The following RALGPS1 variants were observed in gnomAD, a reference collection of about 807,000 sequenced individuals.
RALGPS1 encodes ras-specific guanine nucleotide-releasing factor RalGPS1.
In RALGPS1, 19 loss-of-function variants were observed where a neutral mutation model predicts 78.8. The ratio of observed to expected loss-of-function variants is 0.24; its 90% CI spans 0.17 to 0.35. The LOEUF is 0.35. Among genes scored for constraint, RALGPS1 ranks in the 10% least tolerant of loss-of-function variants. The pLI, the probability that RALGPS1 is intolerant of heterozygous loss-of-function variation, is 1.00. For synonymous variants in RALGPS1, 228 were observed against 256.3 expected, an observed-to-expected ratio of 0.89 and a Z score of 1.06; for missense variants, 454 against 688.3, an observed-to-expected ratio of 0.66 and a Z score of 3.81.
intron 8 of RALGPS1, among the ~76,000 whole-genome samples, chr9:127,120,153 A>G (rs1403174442): frequency 2.0e-5 from 3 of 152,168 alleles, no homozygotes; most frequent in African/African-American, 7.2e-5. Context: ...CTCCGGGGCA[A>G]ACCTGACTAT....
chr9:126,953,574 GTTTAA>G (rs2038066829), intron 1 of RALGPS1, among the ~76,000 whole-genome samples: 2 of 152,304 alleles, frequency 1.3e-5, no homozygotes, highest in South Asian at 2.1e-4. Context: ...AGCCCCTACA[GTTTAA>G]TTTATCTCTC....
intron 5 of RALGPS1, 78 bp downstream of exon 5, chr9:127,034,592 A>T: frequency 7.7e-7 from 1 of 1,294,408 alleles, no homozygotes; most frequent in African/African-American, 1.5e-5. Context: ...CCCCCACCCA[A>T]AGCTGTCTCC....
chr9:126,918,558 A>G (rs550237049), intron 1 of RALGPS1, among the ~76,000 whole-genome samples: 1 of 152,100 alleles, frequency 6.6e-6, no homozygotes, highest in South Asian at 2.1e-4. Flanking sequence ...CCTGGGCTCA[A>G]GTGATCCCCG....
chr9:126,945,207 C>G (rs1227837200), intron 1 of RALGPS1, among the ~76,000 whole-genome samples: 1 of 151,264 alleles, frequency 6.6e-6, no homozygotes, highest in East Asian at 1.9e-4. Flanking sequence ...CTTTCTCTTG[C>G]TTTTTTTTTG....
At chr9:126,966,520 CAAAAAAAAAAAA>C (rs756980868) in intron 3 of RALGPS1, among the ~76,000 whole-genome samples, 1 of 53,414 alleles carries the variant, frequency 1.9e-5, no homozygotes. Flanking sequence ...AACCCTGTCT[CAAAAAAAAAAAA>C]AAAAAAAAAA....
chr9:127,091,857 G>T lies in RALGPS1; in HGVS notation c.610+22501G>T, dbSNP rs1206775436. ...CGGACCAGTCCTCCATGGTCACCAGGAGTTTGTAGTTGCCTTGGTTCGTCA... is the reference window on the plus strand; with the variant it reads ...CGGACCAGTCCTCCATGGTCACCAGTAGTTTGTAGTTGCCTTGGTTCGTCA... On this transcript the variant is annotated intron_variant, in intron 8 of 18. Transcript: ENST00000259351. The surrounding 1 kb of genome is among the most constrained non-coding windows in gnomAD (Gnocchi z 4.3). The T allele has an allele frequency of 1.2e-6, 2 of 1,614,182 alleles. No individual in the cohort carries two copies. The highest frequency in any genetic ancestry group is 3.3e-5 in the Admixed American group (2 of 60,036).
intron 4 of RALGPS1, among the ~76,000 whole-genome samples, chr9:126,989,348 G>A (rs961744556): frequency 1.3e-5 from 2 of 152,176 alleles, no homozygotes; most frequent in African/African-American, 2.4e-5. Flanking sequence ...ATGACAACAG[G>A]AGAATGGGAG....
intron 2 of RALGPS1, among the ~76,000 whole-genome samples, chr9:126,964,192 T>C (rs960560670): frequency 6.6e-6 from 1 of 151,936 alleles, no homozygotes; most frequent in Non-Finnish European, 1.5e-5. Flanking sequence ...ACCCTGCCCC[T>C]ACTGAAATTA....
rs374470173 is a variant in RALGPS1, at chr9:127,123,075, C to T, written c.611-42994C>T. Among the ~76,000 whole-genome samples the T allele has an allele frequency of 1.8e-4, 27 of 152,344 alleles. No individual in the cohort carries two copies. In the East Asian group the frequency reaches 3.7e-3, roughly 21 times the overall value. On this transcript the variant is annotated intron_variant, in intron 8 of 18. Coordinates refer to ENST00000259351, the MANE Select transcript of RALGPS1 (RefSeq NM_014636.3). ...CAGCGGGTCCTCCCCCTGGATGCCTCGTTGGGCACTGCCCCACTGAGCCCC... is the reference window on the plus strand; with the variant it reads ...CAGCGGGTCCTCCCCCTGGATGCCTTGTTGGGCACTGCCCCACTGAGCCCC...
Position 127,219,127 on chromosome 9 carries a change from T to C in RALGPS1, c.*358T>C. Reference sequence around the variant, plus strand: ...AGAGTGGACAGCGCTAACTAACCTGTGAGAGGGGCCCGAGAGAAGGAACAG... The same window carrying C: ...AGAGTGGACAGCGCTAACTAACCTGCGAGAGGGGCCCGAGAGAAGGAACAG... On this transcript the variant is annotated 3_prime_UTR_variant, in exon 19 of 19. Transcript: ENST00000259351. This position sits in a 1 kb window ranked among gnomAD's most constrained non-coding sequence, Gnocchi z 5.0. The C allele has an allele frequency of 3.3e-6, 1 of 302,652 alleles. No homozygotes were observed. The highest frequency in any genetic ancestry group is 4.0e-5 in the South Asian group (1 of 24,918). 18.7% of individuals were successfully genotyped at this position (302,652 alleles called of 1,614,324 possible).
intron 4 of RALGPS1, among the ~76,000 whole-genome samples, chr9:127,020,661 A>G (rs2045354129): frequency 6.6e-6 from 1 of 152,240 alleles, no homozygotes; most frequent in Non-Finnish European, 1.5e-5. Context: ...AAAGCAGATT[A>G]TAAAACCACA....
At chr9:127,140,497 C>A (rs926969248) in intron 8 of RALGPS1, among the ~76,000 whole-genome samples, 1 of 152,216 alleles carries the variant, frequency 6.6e-6, no homozygotes, top group Non-Finnish European at 1.5e-5. Flanking sequence ...GAATCCTTTC[C>A]ACTTCCACTG....
intron 11 of RALGPS1, among the ~76,000 whole-genome samples, chr9:127,188,872 C>T (rs1468595521): frequency 6.0e-5 from 7 of 116,656 alleles, no homozygotes; most frequent in East Asian, 2.7e-4. Flanking sequence ...TTGTGGCGTA[C>T]GCCTATAATC....
intron 1 of RALGPS1, among the ~76,000 whole-genome samples, chr9:126,926,298 C>A (rs1305039398): frequency 6.6e-6 from 1 of 152,128 alleles, no homozygotes. Context: ...CAAGACTTGA[C>A]AGATAGAAGT....
rs2062766325 is a variant in RALGPS1 at position 127,221,264 on chromosome 9, C to A, written c.*2495C>A. ...GCGGGAAAGTCCATGGGTAGACCCT[C>A]CCCCTGGAGGGAAGCATTTCTAGTT... On this transcript the variant is annotated 3_prime_UTR_variant, in exon 19 of 19. Transcript: ENST00000259351. 6.6e-6 allele frequency: 1 copy of A among 152,238 alleles called. No individual in the cohort carries two copies. Among genetic ancestry groups the A allele is most frequent in the Non-Finnish European group, 1.5e-5 (1 of 68,062 alleles). 9.4% of individuals were successfully genotyped at this position (152,238 alleles called of 1,614,324 possible).
intron 4 of RALGPS1, among the ~76,000 whole-genome samples, chr9:126,999,278 G>A (rs538704019): frequency 2.6e-4 from 39 of 151,990 alleles, no homozygotes; most frequent in Non-Finnish European, 3.8e-4. Context: ...CACTATCAGC[G>A]TCCTCCCCCA....
At chr9:127,065,697 G>A (rs765415169) in intron 7 of RALGPS1, among the ~76,000 whole-genome samples, 20 of 151,728 alleles carry the variant, frequency 1.3e-4, no homozygotes, top group Admixed American at 4.6e-4. Flanking sequence ...TTTTTCTCTG[G>A]GGACATCTCT....
chr9:127,135,115 G>C (rs2057304028), intron 8 of RALGPS1, among the ~76,000 whole-genome samples: 1 of 152,224 alleles, frequency 6.6e-6, no homozygotes, highest in African/African-American at 2.4e-5. Flanking sequence ...GGAAGAAGAG[G>C]GGCTGTGTCC....
At chr9:127,098,779 CAG>C (rs2053426722) in intron 8 of RALGPS1, among the ~76,000 whole-genome samples, 1 of 152,184 alleles carries the variant, frequency 6.6e-6, no homozygotes, top group African/African-American at 2.4e-5. Context: ...ACTCCCAACA[CAG>C]GGCCTTTCTG....
Sources: allele counts gnomAD v4.1 joint callset (sites outside exome capture counted in the v4.1 genomes callset), GRCh38; gene constraint gnomAD v4.1.1; non-coding constraint Gnocchi (gnomAD v3.1); transcripts MANE v1.5; gene names NCBI Gene and HGNC (gene_info 2026-07-23, HGNC 2026-07-21).